Variants in XRCC5 observed in about 807,000 individuals in gnomAD.
XRCC5 encodes the protein DNA repair protein Ku80.
A neutral mutation model predicts 95.7 loss-of-function variants in XRCC5; 12 were observed. The observed-to-expected ratio is 0.13, with a 90% confidence interval of 0.08 to 0.20. XRCC5 has a LOEUF of 0.20. Ranked by LOEUF, XRCC5 falls within the 10% of genes least tolerant of loss-of-function variation. The pLI, the probability that XRCC5 is intolerant of heterozygous loss-of-function variation, is 1.00. For synonymous variants in XRCC5, 281 were observed against 290.3 expected (o/e 0.97, Z 0.33); for missense variants, 595 against 873.9 (o/e 0.68, Z 4.02).
intron 13 of XRCC5, among the ~76,000 whole-genome samples, chr2:216,143,663 A>G (rs1697206514): frequency 6.6e-6 from 1 of 151,948 alleles, no homozygotes; most frequent in Non-Finnish European, 1.5e-5. Flanking sequence ...TTTATTGAGT[A>G]CTAACAATGA....
intron 13 of XRCC5, 95 bp from the exon 14 acceptor site, chr2:216,147,988 C>T (rs1170612442): frequency 1.5e-6 from 2 of 1,327,584 alleles, no homozygotes; most frequent in East Asian, 2.4e-5. Context: ...TCACTTAGCC[C>T]TCCCACACTA....
intron 17 of XRCC5, among the ~76,000 whole-genome samples, chr2:216,191,053 G>C (rs1219943550): frequency 6.6e-6 from 1 of 152,114 alleles, no homozygotes; most frequent in African/African-American, 2.4e-5. Flanking sequence ...CAAGAAAATG[G>C]AAAAATCATT....
At chr2:216,114,943 G>T (rs1027632551) in intron 2 of XRCC5, among the ~76,000 whole-genome samples, 4 of 152,062 alleles carry the variant, frequency 2.6e-5, no homozygotes, top group African/African-American at 7.2e-5. Context: ...GATTAATTCG[G>T]GCTGCTCAAG....
chr2:216,187,821 A>ACACACACT (rs1312215177), intron 16 of XRCC5, among the ~76,000 whole-genome samples: 1 of 47,966 alleles, frequency 2.1e-5, no homozygotes, highest in African/African-American at 1.0e-4. Flanking sequence ...ACACACACAC[A>ACACACACT]CTCTCTCTCT....
At chr2:216,154,307 C>A (rs1485136570) in intron 14 of XRCC5, among the ~76,000 whole-genome samples, 1 of 152,190 alleles carries the variant, frequency 6.6e-6, no homozygotes, top group African/African-American at 2.4e-5. Context: ...AAACTTTCTT[C>A]AGGCTTAGTT....
chr2:216,129,072 T>A (rs150925147), intron 8 of XRCC5, among the ~76,000 whole-genome samples: 190 of 152,350 alleles, frequency 1.2e-3, no homozygotes, highest in Non-Finnish European at 2.1e-3. Context: ...TCACTGGGGC[T>A]ATATTTTAAG....
chr2:216,181,847 G>A (rs1348003763), intron 16 of XRCC5, among the ~76,000 whole-genome samples: 1 of 152,114 alleles, frequency 6.6e-6, no homozygotes, highest in East Asian at 1.9e-4. Context: ...AAGAAGTGCA[G>A]AATCTAACGT....
chr2:216,115,273 A>T (rs1204403467), intron 2 of XRCC5, among the ~76,000 whole-genome samples: 6 of 152,122 alleles, frequency 3.9e-5, no homozygotes, highest in Non-Finnish European at 8.8e-5. Context: ...TAACAAGAGT[A>T]TAGGTGTTTT....
chr2:216,138,002 A>T, intron 11 of XRCC5, 87 bp from the exon 12 acceptor site: 1 of 1,167,000 alleles, frequency 8.6e-7, no homozygotes, highest in Non-Finnish European at 1.2e-6. Context: ...TATTTCTGTT[A>T]TGCTACTTTC....
At chr2:216,143,607 A>T (rs903095019) in intron 13 of XRCC5, among the ~76,000 whole-genome samples, 1 of 152,150 alleles carries the variant, frequency 6.6e-6, no homozygotes, top group Non-Finnish European at 1.5e-5. Flanking sequence ...GCTTATCTAT[A>T]TAAAGAAGTA....
At chr2:216,121,637 A>C (rs1244599522) in intron 5 of XRCC5, among the ~76,000 whole-genome samples, 1 of 152,150 alleles carries the variant, frequency 6.6e-6, no homozygotes, top group Non-Finnish European at 1.5e-5. Flanking sequence ...CTCTGTCTTA[A>C]TAGTATCATA....
At chr2:216,164,255 A>G (rs1689010213) in intron 16 of XRCC5, among the ~76,000 whole-genome samples, 1 of 152,218 alleles carries the variant, frequency 6.6e-6, no homozygotes, top group Non-Finnish European at 1.5e-5. Flanking sequence ...TCAGCCAGTC[A>G]AAGTCCAAGG....
chr2:216,139,638 T>C (rs1574462247), intron 12 of XRCC5, among the ~76,000 whole-genome samples: 1 of 152,232 alleles, frequency 6.6e-6, no homozygotes, highest in South Asian at 2.1e-4. Flanking sequence ...TCCTAAGTAG[T>C]TGGGACTACA....
At chr2:216,163,451 G>A (rs7588965) in intron 16 of XRCC5, among the ~76,000 whole-genome samples, 21,247 of 151,838 alleles carry the variant, frequency 0.14, 1,587 homozygotes, top group African/African-American at 0.19. Flanking sequence ...CCCCACGCCC[G>A]GCTAATTTTT....
chr2:216,158,702 C>G (rs964927357), intron 14 of XRCC5, among the ~76,000 whole-genome samples: 1 of 152,052 alleles, frequency 6.6e-6, no homozygotes, highest in Admixed American at 6.6e-5. Flanking sequence ...TTGTCTACTT[C>G]TCAAAGGGAA....
rs189355399 is a variant in XRCC5, at chr2:216,117,810, A to C, written c.368+16A>C. ...ATGAAACAATGTAAGTGTTCCAAGGAAGAGAGCTGGAAGAGAATCTTTTTG... is the reference window on the plus strand; with the variant it reads ...ATGAAACAATGTAAGTGTTCCAAGGCAGAGAGCTGGAAGAGAATCTTTTTG... On this transcript the variant is annotated intron_variant, in intron 4 of 20. Coordinates refer to ENST00000392132, the MANE Select transcript of XRCC5 (RefSeq NM_021141.4). The C allele has an allele frequency of 9.9e-6, 16 of 1,613,956 alleles. No homozygotes were observed. Among genetic ancestry groups the C allele is most frequent in the Non-Finnish European group, 1.4e-5 (16 of 1,179,836 alleles).
At chr2:216,121,514 G>C (rs1478640793) in intron 5 of XRCC5, among the ~76,000 whole-genome samples, 1 of 152,082 alleles carries the variant, frequency 6.6e-6, no homozygotes, top group Non-Finnish European at 1.5e-5. Flanking sequence ...CGTGGTGGAA[G>C]GACATAAAAG....
intron 16 of XRCC5, among the ~76,000 whole-genome samples, chr2:216,165,353 G>A (rs1484633529): frequency 2.0e-5 from 3 of 152,178 alleles, no homozygotes; most frequent in South Asian, 2.1e-4. Context: ...TCTGACCTCC[G>A]TCTAAGACTT....
intron 1 of XRCC5, among the ~76,000 whole-genome samples, chr2:216,112,791 T>A (rs1009920726): frequency 2.0e-5 from 3 of 152,278 alleles, no homozygotes; most frequent in Admixed American, 2.0e-4. Flanking sequence ...CATGTTCCTC[T>A]CCTGGTAGAA....
Sources: allele counts gnomAD v4.1 joint callset (sites outside exome capture counted in the v4.1 genomes callset), GRCh38; gene constraint gnomAD v4.1.1; transcripts MANE v1.5; gene names NCBI Gene and HGNC (gene_info 2026-07-23, HGNC 2026-07-21).